Variants in C14orf39 observed in about 807,000 individuals in gnomAD.
C14orf39 encodes the protein protein SIX6OS1.
A neutral mutation model predicts 85.6 loss-of-function variants in C14orf39; 66 were observed. That is an observed-to-expected ratio of 0.77 (90% confidence interval 0.63 to 0.95). C14orf39 has a LOEUF of 0.95. C14orf39 is among the 40% of genes least tolerant of loss of function. The pLI, the probability that C14orf39 is intolerant of heterozygous loss-of-function variation, is 0.00. For missense variants in C14orf39, 735 were observed against 663.9 expected (o/e 1.11, Z -1.18); for synonymous variants, 242 against 214.0 (o/e 1.13, Z -1.14).
chr14:60,471,673 T>C lies in C14orf39; in HGVS notation c.390A>G (p.Ser130=). 1 of 1,606,922 alleles carries C rather than the reference T, an allele frequency of 6.2e-7. No homozygotes were observed. Among genetic ancestry groups the C allele is most frequent in the Non-Finnish European group, 8.5e-7 (1 of 1,175,642 alleles). The change falls in exon 6 of 18, where the codon TCA becomes TCG. Residue 130 remains serine (S), a synonymous_variant. Coordinates refer to ENST00000321731, the MANE Select transcript of C14orf39 (RefSeq NM_174978.3). The part of the protein sequence containing the change: ...EVLKQYQLKY[S]ETPFSREYYE... ...AATATTCACGTGAAAAGGGTGTTTCTGAGTATTTTAGTTGGTACTGCTTCA... is the reference window on the plus strand; with the variant it reads ...AATATTCACGTGAAAAGGGTGTTTCCGAGTATTTTAGTTGGTACTGCTTCA...
intron 10 of C14orf39, 152 bp downstream of exon 10, chr14:60,466,765 C>G (rs1268258004): frequency 7.1e-6 from 3 of 425,212 alleles, no homozygotes; most frequent in African/African-American, 6.2e-5. Flanking sequence ...TTTGTTTGCT[C>G]TCAGAAAGAT....
intron 1 of C14orf39, chr14:60,511,086 T>G (rs1893284551): frequency 6.2e-7 from 1 of 1,612,664 alleles, no homozygotes; most frequent in Admixed American, 1.7e-5. Context: ...CCCCGTAGAC[T>G]CCAGCAGCAG....
In C14orf39 at chr14:60,513,032, C is replaced by T. The variant is rs56347340; in HGVS notation, c.-144+2363G>A. On this transcript the variant is annotated intron_variant, in intron 1 of 5. Coordinates refer to the C14orf39 transcript ENST00000556799. ...TCATGGAAGACAAAAAGCAGCCAAACGGCAAGATAGACAATGGAAGCCCAG... is the reference window on the plus strand; with the variant it reads ...TCATGGAAGACAAAAAGCAGCCAAATGGCAAGATAGACAATGGAAGCCCAG... Among the ~76,000 whole-genome samples, 444 of 152,280 alleles carry T rather than the reference C, an allele frequency of 2.9e-3. 1 individual carries two copies. The highest frequency in any genetic ancestry group is 0.01 in the African/African-American group (426 of 41,548).
chr14:60,485,131 A>C, intron 1 of C14orf39, 45 bp from the exon 2 acceptor site: 2 of 1,482,760 alleles, frequency 1.3e-6, no homozygotes, highest in Non-Finnish European at 1.8e-6. Context: ...CTGAAGTCGT[A>C]TGCAAAACAG....
At chr14:60,451,140 T>C (rs1411596217) in intron 16 of C14orf39, among the ~76,000 whole-genome samples, 2 of 152,068 alleles carry the variant, frequency 1.3e-5, no homozygotes, top group Non-Finnish European at 2.9e-5. Context: ...CCAGTCCTGG[T>C]GATTTCTAAC....
At chr14:60,486,866 CTAGT>C (rs1273695403), upstream of C14orf39, among the ~76,000 whole-genome samples, 1 of 152,136 alleles carries the variant, frequency 6.6e-6, no homozygotes, top group African/African-American at 2.4e-5. Context: ...ATATTGCTCA[CTAGT>C]TGGTATTAAT....
chr14:60,510,282 C>T (rs1383680335), intron 1 of C14orf39, among the ~76,000 whole-genome samples: 3 of 152,156 alleles, frequency 2.0e-5, no homozygotes, highest in Admixed American at 6.5e-5. Context: ...AGTTAGGGAC[C>T]CCAAGACCCA....
chr14:60,484,947 ATAAT>A lies in C14orf39; in HGVS notation c.50-14_50-11del. 6 of 1,575,044 alleles carry A rather than the reference ATAAT, an allele frequency of 3.8e-6. No homozygotes were observed. Among genetic ancestry groups the A allele is most frequent in the Non-Finnish European group, 5.2e-6 (6 of 1,160,684 alleles). ...TGCTCATACTGGAAGACTAAAATAA[ATAAT>A]TATCTTGTGACTTCAATTCATTGTT... On this transcript the variant is annotated splice_polypyrimidine_tract_variant and intron_variant, in intron 2 of 17. Transcript: ENST00000321731. The surrounding 1 kb of genome is among the most constrained non-coding windows in gnomAD (Gnocchi z 4.2).
chr14:60,476,208 A>G (rs921301723), intron 5 of C14orf39, among the ~76,000 whole-genome samples: 24 of 152,296 alleles, frequency 1.6e-4, no homozygotes, highest in African/African-American at 5.8e-4. Context: ...AGAAATACCT[A>G]TAAGAAAATT....
chr14:60,511,119 G>A lies in C14orf39; in HGVS notation c.-144+4276C>T, dbSNP rs201991012. The A allele has an allele frequency of 1.8e-4, 296 of 1,612,734 alleles. No homozygotes were observed. Among genetic ancestry groups the A allele is most frequent in the Non-Finnish European group, 2.4e-4 (287 of 1,179,862 alleles). On this transcript the variant is annotated intron_variant, in intron 1 of 5. Coordinates refer to the C14orf39 transcript ENST00000556799. ...CAGGTCCTGTCACAGGGTTCCGGGCGGGCACTACGGGCGGAGGGCGACGGC... is the reference window on the plus strand; with the variant it reads ...CAGGTCCTGTCACAGGGTTCCGGGCAGGCACTACGGGCGGAGGGCGACGGC...
intron 1 of C14orf39, among the ~76,000 whole-genome samples, chr14:60,505,993 T>C (rs1893198615): frequency 6.6e-6 from 1 of 152,222 alleles, no homozygotes; most frequent in Admixed American, 6.5e-5. Context: ...GGGGGCACTT[T>C]GCCTAAATCC....
intron 4 of C14orf39, among the ~76,000 whole-genome samples, chr14:60,482,601 A>G (rs978794025): frequency 2.0e-5 from 3 of 152,148 alleles, no homozygotes; most frequent in Non-Finnish European, 2.9e-5. Flanking sequence ...CTCTTTAGCA[A>G]TTTCACTTCT....
In C14orf39 at chr14:60,484,809, CAG is replaced by C. The variant is rs1053499639; in HGVS notation, c.106+70_106+71del. 2.7e-5 allele frequency: 30 copies of C among 1,105,798 alleles called. No homozygotes were observed. The highest frequency in any genetic ancestry group is 2.8e-4 in the Middle Eastern group (1 of 3,612). 68.5% of individuals were successfully genotyped at this position (1,105,798 alleles called of 1,614,324 possible). A position where few individuals can be genotyped will look rare whatever the true frequency, so the allele number is the denominator to read the frequency against. ...AACGCCAACAATAAGTTGCCCTAAA[CAG>C]AGCAATTGTATGTTATATGCCATAA... On this transcript the variant is annotated intron_variant, in intron 3 of 17. Coordinates refer to ENST00000321731, the MANE Select transcript of C14orf39 (RefSeq NM_174978.3). The surrounding 1 kb of genome is among the most constrained non-coding windows in gnomAD (Gnocchi z 4.2).
intron 1 of C14orf39, among the ~76,000 whole-genome samples, chr14:60,499,934 T>C (rs973362979): frequency 1.3e-5 from 2 of 152,238 alleles, no homozygotes; most frequent in Admixed American, 6.5e-5. Flanking sequence ...ATGCCCATTT[T>C]AAAAAATGAG....
intron 1 of C14orf39, among the ~76,000 whole-genome samples, chr14:60,500,969 G>A (rs929838353): frequency 6.6e-6 from 1 of 152,098 alleles, no homozygotes; most frequent in Non-Finnish European, 1.5e-5. Flanking sequence ...ATGAACTAGA[G>A]CAGAGGAAAG....
intron 2 of C14orf39, chr14:60,496,420 TGTCTCTAAGTA>T (rs150092944): frequency 0.037 from 11,763 of 317,496 alleles, 1,231 homozygotes; most frequent in African/African-American, 0.23. Context: ...GGGCAGTGTC[TGTCTCTAAGTA>T]CATGACAGAC....
At chr14:60,448,692 A>G (rs1430862465) in intron 16 of C14orf39, among the ~76,000 whole-genome samples, 1 of 152,220 alleles carries the variant, frequency 6.6e-6, no homozygotes, top group Non-Finnish European at 1.5e-5. Context: ...TATATACCCA[A>G]AGGATTATAA....
Position 60,442,127 on chromosome 14 carries a change from T to C in C14orf39, c.1508A>G (p.Asn503Ser). 1 of 1,595,778 alleles carries C rather than the reference T, an allele frequency of 6.3e-7. No homozygotes were observed. Among genetic ancestry groups the C allele is most frequent in the Non-Finnish European group, 8.6e-7 (1 of 1,163,892 alleles). Residue 503 changes from asparagine to serine, a missense_variant, in exon 17 of 18, where the codon AAT (asparagine) becomes AGT (serine). Transcript: ENST00000321731. Reference protein sequence around the residue: ...FDTEISSDQFNEHYSARNLNP... With the variant: ...FDTEISSDQFSEHYSARNLNP... ...TAGATTTCTTGCAGAATAATGTTCATTAAACTGGAAAATAATTTCCATTAA... is the reference window on the plus strand; with the variant it reads ...TAGATTTCTTGCAGAATAATGTTCACTAAACTGGAAAATAATTTCCATTAA...
At position 60,442,185 on chromosome 14, in the gene C14orf39, A is replaced by G. The variant is rs192991754; in HGVS notation, c.1504-54T>C. 6.5e-5 allele frequency: 72 copies of G among 1,106,900 alleles called. 1 individual carries two copies. The Admixed American group carries it at 1.4e-3, about 21-fold the overall frequency. 68.6% of individuals were successfully genotyped at this position (1,106,900 alleles called of 1,614,324 possible). On this transcript the variant is annotated intron_variant, in intron 16 of 17. Transcript: ENST00000321731. ...TTGTGAAATCAGTAGGACAGTATAT[A>G]TAGTACATATATTTGAATCTAAAGC... is the stretch of plus-strand genomic sequence containing the variant.
Sources: gnomAD v4.1 joint callset for allele counts (sites outside exome capture counted in the v4.1 genomes callset) on GRCh38, gnomAD v4.1.1 for gene constraint, Gnocchi (gnomAD v3.1) non-coding constraint, MANE v1.5 for transcripts, NCBI Gene and HGNC (gene_info 2026-07-23, HGNC 2026-07-21) for gene names.